DYM: variants seen among roughly 807,000 people sequenced by gnomAD.
DYM encodes the protein dyggve-Melchior-Clausen syndrome protein.
A neutral mutation model predicts 93.1 loss-of-function variants in DYM; 78 were observed. That is an observed-to-expected ratio of 0.84 (90% CI 0.70 to 1.01). The LOEUF (loss-of-function observed/expected upper bound fraction) is 1.01, where lower values mean the gene tolerates loss of function less well. DYM is among the 50% of genes least tolerant of loss of function. The pLI is 0.00. For missense variants in DYM, 789 were observed against 845.0 expected, an observed-to-expected ratio of 0.93 and a Z score of 0.82; for synonymous variants, 321 against 319.7, an observed-to-expected ratio of 1.00 and a Z score of -0.04.
intron 2 of DYM, among the ~76,000 whole-genome samples, chr18:49,393,924 C>G (rs2069713409): frequency 6.6e-6 from 1 of 152,156 alleles, no homozygotes; most frequent in South Asian, 2.1e-4. Context: ...TATGAGGCTC[C>G]TAGAGGAGTT....
At chr18:49,329,060 T>A (rs1332315127) in intron 8 of DYM, among the ~76,000 whole-genome samples, 1 of 151,848 alleles carries the variant, frequency 6.6e-6, no homozygotes, top group African/African-American at 2.4e-5. Flanking sequence ...ATAGACTGGA[T>A]TAAGAAAATG....
At chr18:49,254,018 A>G (rs1317781170) in intron 13 of DYM, among the ~76,000 whole-genome samples, 2 of 151,968 alleles carry the variant, frequency 1.3e-5, no homozygotes, top group African/African-American at 4.8e-5. Flanking sequence ...TTTTCTACAT[A>G]TAAATCATGC....
intron 15 of DYM, among the ~76,000 whole-genome samples, chr18:49,157,198 C>A (rs1030539084): frequency 3.3e-5 from 5 of 152,138 alleles, no homozygotes; most frequent in Admixed American, 3.3e-4. Flanking sequence ...CCGGATGTTG[C>A]TGCTCACCTG....
chr18:49,164,766 T>C (rs1224687403), intron 14 of DYM, among the ~76,000 whole-genome samples: 1 of 152,126 alleles, frequency 6.6e-6, no homozygotes, highest in Admixed American at 6.5e-5. Flanking sequence ...ATATTGGAGC[T>C]CCAACCAGCC....
intron 17 of DYM, among the ~76,000 whole-genome samples, chr18:49,086,363 C>T (rs1468874191): frequency 6.6e-6 from 1 of 152,134 alleles, no homozygotes; most frequent in African/African-American, 2.4e-5. Flanking sequence ...AGCCACAAGT[C>T]CCCCTCCCAT....
At chr18:49,091,045 G>C (rs2079001991) in intron 17 of DYM, among the ~76,000 whole-genome samples, 1 of 152,166 alleles carries the variant, frequency 6.6e-6, no homozygotes, top group South Asian at 2.1e-4. Flanking sequence ...TGGAATAAAA[G>C]CTGACCTTTT....
chr18:49,409,783 G>C (rs2071996082), intron 2 of DYM, among the ~76,000 whole-genome samples: 1 of 152,142 alleles, frequency 6.6e-6, no homozygotes, highest in African/African-American at 2.4e-5. Flanking sequence ...ATGAAAATAT[G>C]CAAGAGGTAT....
rs1020380975 is a variant in DYM, at chr18:49,037,424, A to T, written c.*6631T>A. Among the ~76,000 whole-genome samples the T allele has an allele frequency of 4.5e-4, 68 of 152,106 alleles. 3 individuals carry two copies. Reference sequence around the variant, plus strand: ...AATAGACACTAGGGACTCCAAAACGAGGGAGGAAGGGAAGGAGAGAGGGAA... The same window carrying T: ...AATAGACACTAGGGACTCCAAAACGTGGGAGGAAGGGAAGGAGAGAGGGAA... On this transcript the variant is annotated 3_prime_UTR_variant, in exon 18 of 18. Coordinates refer to ENST00000675505, the MANE Select transcript of DYM (RefSeq NM_001353214.3).
chr18:49,066,625 C>T (rs1420668097), intron 17 of DYM, among the ~76,000 whole-genome samples: 1 of 152,182 alleles, frequency 6.6e-6, no homozygotes, highest in African/African-American at 2.4e-5. Context: ...AGATGCTTAC[C>T]TAGGAGTGGG....
At chr18:49,388,621 C>T (rs1462370728) in intron 3 of DYM, among the ~76,000 whole-genome samples, 4 of 151,636 alleles carry the variant, frequency 2.6e-5, no homozygotes, top group Non-Finnish European at 5.9e-5. Context: ...TCTCTACAAA[C>T]CTCAGGCGAC....
chr18:49,378,535 A>G (rs757238461), intron 5 of DYM, 32 bp downstream of exon 5: 7 of 1,575,516 alleles, frequency 4.4e-6, no homozygotes, highest in South Asian at 2.2e-5. Flanking sequence ...TACACATGAT[A>G]TATCCAGAAC....
chr18:49,171,903 G>A (rs1416934408), intron 14 of DYM, among the ~76,000 whole-genome samples: 1 of 152,152 alleles, frequency 6.6e-6, no homozygotes, highest in Non-Finnish European at 1.5e-5. Flanking sequence ...ATTTTAAGTA[G>A]ACAGTGCAAT....
At chr18:49,163,601 C>G (rs1443393699) in intron 15 of DYM, 84 bp downstream of exon 15, 1 of 889,426 alleles carries the variant, frequency 1.1e-6, no homozygotes, top group African/African-American at 1.7e-5. Flanking sequence ...GCCTCGGCCT[C>G]CCAAAGTGCT....
intron 6 of DYM, among the ~76,000 whole-genome samples, chr18:49,352,364 T>A (rs1343602530): frequency 6.6e-6 from 1 of 152,190 alleles, no homozygotes. Flanking sequence ...TTGTAGCATA[T>A]GAATGCTATC....
Position 49,038,753 on chromosome 18 carries a change from C to T in DYM, c.*5302G>A, listed in dbSNP as rs535536090. Among the ~76,000 whole-genome samples the T allele has an allele frequency of 5.3e-5, 8 of 152,216 alleles. No homozygotes were observed. In the East Asian group the frequency reaches 5.8e-4, roughly 11 times the overall value. ...TAAATCTTCCACTGAATTGATTATT[C>T]GAATTCTCTCTTATTATGTGGAAAG... is the stretch of plus-strand genomic sequence containing the variant. On this transcript the variant is annotated 3_prime_UTR_variant, in exon 18 of 18. Coordinates refer to ENST00000675505, the MANE Select transcript of DYM (RefSeq NM_001353214.3).
intron 15 of DYM, among the ~76,000 whole-genome samples, chr18:49,154,128 CA>C (rs1484692947): frequency 6.6e-6 from 1 of 151,940 alleles, no homozygotes; most frequent in Admixed American, 6.6e-5. Context: ...GGATATTCCA[CA>C]AAATAACTGA....
At chr18:49,299,892 A>G (rs1465549933) in intron 8 of DYM, among the ~76,000 whole-genome samples, 2 of 151,362 alleles carry the variant, frequency 1.3e-5, no homozygotes, top group Non-Finnish European at 2.9e-5. Flanking sequence ...AAATACAAAA[A>G]ATTAGCTGGG....
chr18:49,295,389 C>T (rs1353492974), intron 8 of DYM, among the ~76,000 whole-genome samples: 1 of 152,190 alleles, frequency 6.6e-6, no homozygotes, highest in African/African-American at 2.4e-5. Flanking sequence ...GTCTGCATGA[C>T]TAAATTCCAA....
intron 7 of DYM, among the ~76,000 whole-genome samples, chr18:49,332,222 A>G (rs888871298): frequency 4.6e-5 from 7 of 152,174 alleles, no homozygotes; most frequent in Admixed American, 3.9e-4. Context: ...TTATCACATC[A>G]TAAGATATTG....
Sources: allele counts gnomAD v4.1 joint callset (sites outside exome capture counted in the v4.1 genomes callset), GRCh38; gene constraint gnomAD v4.1.1; transcripts MANE v1.5; gene names NCBI Gene and HGNC (gene_info 2026-07-23, HGNC 2026-07-21).